PITPNB: variants seen among roughly 807,000 people sequenced by gnomAD.
PITPNB encodes phosphatidylinositol transfer protein beta isoform.
PITPNB carries 16 observed loss-of-function variants against 45.9 expected under a neutral mutation model. The ratio of observed to expected loss-of-function variants is 0.35; its 90% CI spans 0.24 to 0.53. PITPNB has a LOEUF of 0.53. Ranked by LOEUF, PITPNB falls within the 20% of genes least tolerant of loss-of-function variation. The probability of loss-of-function intolerance (pLI) is 0.93; values close to 1 mark genes in which losing one functional copy is unlikely to be tolerated. For missense variants in PITPNB, 188 were observed against 330.5 expected (o/e 0.57, Z 3.34); for synonymous variants, 112 against 108.9 (o/e 1.03, Z -0.18).
At chr22:27,858,910 G>A (rs1358289726) in intron 9 of PITPNB, among the ~76,000 whole-genome samples, 1 of 151,988 alleles carries the variant, frequency 6.6e-6, no homozygotes, top group African/African-American at 2.4e-5. Flanking sequence ...TTCACTATGA[G>A]GTGGAATACA....
chr22:27,912,676 G>A (rs1370429420), intron 2 of PITPNB, among the ~76,000 whole-genome samples: 1 of 151,664 alleles, frequency 6.6e-6, no homozygotes, highest in African/African-American at 2.4e-5. Flanking sequence ...GACACAGAAG[G>A]CATGTTTTAA....
chr22:27,901,558 T>C (rs1281354138), intron 3 of PITPNB, among the ~76,000 whole-genome samples: 2 of 152,092 alleles, frequency 1.3e-5, no homozygotes, highest in East Asian at 3.8e-4. Context: ...TCTTCACTAG[T>C]CAGGAAAAGC....
intron 3 of PITPNB, among the ~76,000 whole-genome samples, chr22:27,898,287 A>T (rs1457080347): frequency 6.6e-6 from 1 of 152,052 alleles, no homozygotes; most frequent in African/African-American, 2.4e-5. Flanking sequence ...AGGTGGGAGG[A>T]TCACTTGAAC....
intron 7 of PITPNB, 100 bp downstream of exon 7, chr22:27,894,455 G>C (rs1935377599): frequency 2.9e-6 from 2 of 700,854 alleles, no homozygotes; most frequent in Admixed American, 2.1e-5. Flanking sequence ...ATACAAGAAA[G>C]AAAGGAAATA....
chr22:27,898,128 C>T (rs943887888), intron 3 of PITPNB: 5 of 424,188 alleles, frequency 1.2e-5, no homozygotes, highest in Middle Eastern at 6.8e-4. Context: ...GTAATCCTAG[C>T]ATTTTGAGAG....
intron 1 of PITPNB, among the ~76,000 whole-genome samples, chr22:27,915,545 A>G (rs1404995816): frequency 6.6e-6 from 1 of 151,732 alleles, no homozygotes; most frequent in Non-Finnish European, 1.5e-5. Context: ...CATTACCTCA[A>G]TCTCCAACAT....
At chr22:27,872,384 G>C (rs1934692684) in intron 8 of PITPNB, among the ~76,000 whole-genome samples, 1 of 143,776 alleles carries the variant, frequency 7.0e-6, no homozygotes, top group Admixed American at 7.2e-5. Flanking sequence ...GTGAGCCACT[G>C]CACCTGGCCC....
rs191267140 is a variant in PITPNB at position 27,888,189 on chromosome 22, A to G, written c.456+6366T>C. Reference sequence around the variant, plus strand: ...TTGAAAAGGATTCTCCATCAGTACAAATAGAGCTCACTCCCTTTTAATGAT... The same window carrying G: ...TTGAAAAGGATTCTCCATCAGTACAGATAGAGCTCACTCCCTTTTAATGAT... On this transcript the variant is annotated intron_variant, in intron 7 of 11. Coordinates refer to ENST00000335272, the MANE Select transcript of PITPNB (RefSeq NM_012399.5). 1.6e-3 allele frequency among the ~76,000 whole-genome samples: 249 copies of G among 152,346 alleles called. 2 individuals are homozygous for G. The highest frequency in any genetic ancestry group is 5.0e-4 in the Non-Finnish European group (34 of 68,030).
rs116702713 is a variant in PITPNB at position 27,896,744 on chromosome 22, A to C, written c.298-118T>G. 1,530 of 660,882 alleles carry C rather than the reference A, an allele frequency of 2.3e-3. 14 individuals are homozygous for C. The highest frequency in any genetic ancestry group is 0.022 in the African/African-American group (1,221 of 54,906). The allele number at this position is 660,882 out of a possible 1,614,324, so 40.9% of individuals were successfully genotyped here. ...GCTTTGACTCTACAAGGAGACTGAT[A>C]CTCAAGTGACAAAGAATCATTGGCT... is the stretch of plus-strand genomic sequence containing the variant. On this transcript the variant is annotated intron_variant, in intron 5 of 11. Transcript: ENST00000335272.
chr22:27,873,051 T>C (rs887616813), intron 8 of PITPNB, among the ~76,000 whole-genome samples: 2 of 152,226 alleles, frequency 1.3e-5, no homozygotes, highest in Non-Finnish European at 2.9e-5. Context: ...GTGGATCACC[T>C]GAGGTCGGGA....
At chr22:27,866,863 C>T (rs1435778567) in intron 8 of PITPNB, among the ~76,000 whole-genome samples, 3 of 152,194 alleles carry the variant, frequency 2.0e-5, no homozygotes. Flanking sequence ...AATAAATGCA[C>T]TGCTGGGAGT....
At chr22:27,873,557 T>G (rs561488281) in intron 8 of PITPNB, among the ~76,000 whole-genome samples, 181 bp downstream of exon 8, 1 of 152,358 alleles carries the variant, frequency 6.6e-6, no homozygotes, top group African/African-American at 2.4e-5. Context: ...TCTGTTCTGT[T>G]TGTTAATGCA....
Position 27,914,112 on chromosome 22 carries a change from C to G in PITPNB, c.51+205G>C, listed in dbSNP as rs149875565. Among the ~76,000 whole-genome samples the G allele has an allele frequency of 9.9e-5, 15 of 152,236 alleles. No homozygotes were observed. The East Asian group carries it at 2.5e-3, about 25-fold the overall frequency. On this transcript the variant is annotated intron_variant, in intron 2 of 11. Coordinates refer to ENST00000335272, the MANE Select transcript of PITPNB (RefSeq NM_012399.5). ...TTAAACTACATTCTTTAGACTCTTC[C>G]AAAACAAGGCAGTGTAGCAAGAAAT...
At chr22:27,883,972 T>G (rs1319556100) in intron 7 of PITPNB, among the ~76,000 whole-genome samples, 1 of 152,202 alleles carries the variant, frequency 6.6e-6, no homozygotes, top group Non-Finnish European at 1.5e-5. Flanking sequence ...AGTGCCTGTG[T>G]CCTCTGGGGT....
At chr22:27,880,884 C>CT (rs1413742353) in intron 7 of PITPNB, among the ~76,000 whole-genome samples, 3 of 152,160 alleles carry the variant, frequency 2.0e-5, no homozygotes, top group Admixed American at 6.5e-5. Flanking sequence ...GCCTCCCAAA[C>CT]TGCTGGGATT....
Position 27,919,207 on chromosome 22 carries a change from T to TCACAGCTGCCGCCGATAC in PITPNB, c.-34_-17dup, listed in dbSNP as rs1936199695. 6.2e-7 allele frequency: 1 copy of TCACAGCTGCCGCCGATAC among 1,610,802 alleles called. No homozygotes were observed. Among genetic ancestry groups the TCACAGCTGCCGCCGATAC allele is most frequent in the African/African-American group, 1.3e-5 (1 of 74,772 alleles). On this transcript the variant is annotated 5_prime_UTR_variant, in exon 1 of 12. Transcript: ENST00000335272. ...TCAGCACCATCTTCCCGGAACCCCC[T>TCACAGCTGCCGCCGATAC]CACAGCTGCCGCCGATACCACCGCC... is the stretch of plus-strand genomic sequence containing the variant.
chr22:27,856,767 G>C (rs1463506508), intron 10 of PITPNB, among the ~76,000 whole-genome samples: 3 of 152,154 alleles, frequency 2.0e-5, no homozygotes, highest in Non-Finnish European at 4.4e-5. Context: ...TCTGTTTCAT[G>C]TTCAGTGGAC....
intron 5 of PITPNB, 40 bp from the exon 6 acceptor site, chr22:27,896,666 C>T (rs1228291298): frequency 1.4e-6 from 2 of 1,408,270 alleles, no homozygotes; most frequent in Non-Finnish European, 1.0e-6. Flanking sequence ...TGATCTTCTA[C>T]CTGTTCCTTG....
At chr22:27,910,941 C>A (rs776659160) in intron 3 of PITPNB, 23 bp downstream of exon 3, 1 of 1,596,160 alleles carries the variant, frequency 6.3e-7, no homozygotes, top group Admixed American at 1.7e-5. Flanking sequence ...AGTTACAAGG[C>A]GTCAAATGTG....
Sources: gnomAD v4.1 joint callset for allele counts (sites outside exome capture counted in the v4.1 genomes callset) on GRCh38, gnomAD v4.1.1 for gene constraint, MANE v1.5 for transcripts, NCBI Gene and HGNC (gene_info 2026-07-23, HGNC 2026-07-21) for gene names.